Variants in GLIS1 observed in about 807,000 individuals in gnomAD.
The protein encoded by GLIS1 is zinc finger protein GLIS1.
A neutral mutation model predicts 63.8 loss-of-function variants in GLIS1; 24 were observed. The ratio of observed to expected loss-of-function variants is 0.38; its 90% CI spans 0.27 to 0.53. The LOEUF is 0.53. GLIS1 is among the 20% of genes least tolerant of loss of function. GLIS1 has a pLI of 0.85. For missense variants in GLIS1, 1,036 were observed against 1,074.1 expected, an observed-to-expected ratio of 0.96 and a Z score of 0.50; for synonymous variants, 450 against 482.5, an observed-to-expected ratio of 0.93 and a Z score of 0.88.
intron 6 of GLIS1, 27 bp downstream of exon 6, chr1:53,524,750 G>A (rs778862360): frequency 1.1e-5 from 17 of 1,550,990 alleles, no homozygotes; most frequent in Non-Finnish European, 1.5e-5. Flanking sequence ...GAGGTGGGAG[G>A]AGGCCAGATG....
Position 53,560,682 on chromosome 1 carries a change from A to G in GLIS1, c.1321-30730T>C, listed in dbSNP as rs760162702. Among the ~76,000 whole-genome samples the G allele has an allele frequency of 9.9e-5, 15 of 152,132 alleles. No homozygotes were observed. Among genetic ancestry groups the G allele is most frequent in the Non-Finnish European group, 1.3e-4 (9 of 68,002 alleles). On this transcript the variant is annotated intron_variant, in intron 4 of 10. Transcript: ENST00000628545. The surrounding 1 kb of genome is among the most constrained non-coding windows in gnomAD (Gnocchi z 4.4). ...ACTTGTTGCGGGCCGTGTGTCCCGC[A>G]ATGTTCTAGGCACTGGGGCAGCCAT...
intron 2 of GLIS1, among the ~76,000 whole-genome samples, chr1:53,674,110 T>A (rs1179637609): frequency 6.7e-6 from 1 of 148,824 alleles, no homozygotes; most frequent in Middle Eastern, 3.2e-3. Context: ...AGGCAGAGGT[T>A]GCAGTGAGCC....
At chr1:53,733,790 A>C (rs1431000965) in intron 2 of GLIS1, 6 of 482,834 alleles carry the variant, frequency 1.2e-5, no homozygotes, top group Non-Finnish European at 1.6e-5. Flanking sequence ...TGCACTGAAA[A>C]AATTTGGATC....
At chr1:53,656,678 C>T (rs1645968852) in intron 2 of GLIS1, among the ~76,000 whole-genome samples, 2 of 152,182 alleles carry the variant, frequency 1.3e-5, no homozygotes. Flanking sequence ...CCATTTGCAA[C>T]AATTAAACCT....
chr1:53,595,048 T>C, intron 3 of GLIS1, 58 bp from the exon 4 acceptor site: 1 of 1,361,772 alleles, frequency 7.3e-7, no homozygotes, highest in Non-Finnish European at 9.5e-7. Context: ...GAGGGAAGGC[T>C]CAGGTGGGGG....
chr1:53,679,299 A>G (rs1170692893), intron 2 of GLIS1, among the ~76,000 whole-genome samples: 1 of 152,180 alleles, frequency 6.6e-6, no homozygotes, highest in Non-Finnish European at 1.5e-5. Flanking sequence ...AATAAACCCC[A>G]AAACAGCCTT....
At chr1:53,733,152 T>TA (rs1244813307) in intron 2 of GLIS1, among the ~76,000 whole-genome samples, 2 of 151,870 alleles carry the variant, frequency 1.3e-5, no homozygotes, top group East Asian at 3.8e-4. Context: ...TAAGAATATA[T>TA]TTTTTTAAGT....
chr1:53,614,156 GA>G (rs1420728778), intron 2 of GLIS1, among the ~76,000 whole-genome samples: 1 of 152,184 alleles, frequency 6.6e-6, no homozygotes, highest in African/African-American at 2.4e-5. Flanking sequence ...TGATGAATGA[GA>G]AAGGAAAGTC....
intron 4 of GLIS1, among the ~76,000 whole-genome samples, chr1:53,547,553 A>AG: frequency 6.6e-6 from 1 of 152,344 alleles, no homozygotes; most frequent in South Asian, 2.1e-4. Context: ...TGACCCAGGC[A>AG]GGGCTCCCCC....
intron 8 of GLIS1, among the ~76,000 whole-genome samples, chr1:53,513,861 C>T (rs904074558): frequency 1.3e-5 from 2 of 152,214 alleles, no homozygotes; most frequent in Admixed American, 6.5e-5. Context: ...CAGGCCATGG[C>T]CAAGGCTGTA....
At position 53,574,675 on chromosome 1, in the gene GLIS1, A is replaced by G. The variant is rs1569852238; in HGVS notation, c.1320+19433T>C. 6.6e-6 allele frequency among the ~76,000 whole-genome samples: 1 copy of G among 152,178 alleles called. No homozygotes were observed. The highest frequency in any genetic ancestry group is 2.4e-5 in the African/African-American group (1 of 41,440). On this transcript the variant is annotated intron_variant, in intron 4 of 10. Transcript: ENST00000628545. This position sits in a 1 kb window ranked among gnomAD's most constrained non-coding sequence, Gnocchi z 4.2. ...TGGGTCATGATGTCTGCTGGTCCCCAATATGAGTAAAGGAAGCAGCCCCAC... is the reference window on the plus strand; with the variant it reads ...TGGGTCATGATGTCTGCTGGTCCCCGATATGAGTAAAGGAAGCAGCCCCAC...
chr1:53,597,142 A>G (rs1440809100), intron 3 of GLIS1, among the ~76,000 whole-genome samples: 1 of 145,544 alleles, frequency 6.9e-6, no homozygotes, highest in Non-Finnish European at 1.5e-5. Flanking sequence ...TTAATGCATA[A>G]AAAGTGCTTG....
chr1:53,616,423 C>T (rs1041609670), intron 2 of GLIS1, among the ~76,000 whole-genome samples: 1 of 152,364 alleles, frequency 6.6e-6, no homozygotes, highest in East Asian at 1.9e-4. Context: ...TCATGCTTGG[C>T]ATTTTTTAAC....
intron 2 of GLIS1, among the ~76,000 whole-genome samples, chr1:53,610,336 T>A (rs1355521289): frequency 2.6e-5 from 4 of 152,256 alleles, no homozygotes; most frequent in African/African-American, 9.6e-5. Context: ...TAAAAATTTT[T>A]AAAAATTGTA....
At position 53,588,120 on chromosome 1, in the gene GLIS1, G is replaced by A. The variant is rs570127208; in HGVS notation, c.1320+5988C>T. 1.4e-4 allele frequency among the ~76,000 whole-genome samples: 22 copies of A among 152,252 alleles called. No homozygotes were observed. In the East Asian group the frequency reaches 3.3e-3, roughly 23 times the overall value. On this transcript the variant is annotated intron_variant, in intron 4 of 10. Transcript: ENST00000628545. ...ATAAACTGAAAATCGCCCAACAAGC[G>A]TCTCAATAATGATCTTGTCCCACTT... is the stretch of plus-strand genomic sequence containing the variant.
At chr1:53,628,402 G>T (rs1053121216) in intron 2 of GLIS1, among the ~76,000 whole-genome samples, 2 of 152,238 alleles carry the variant, frequency 1.3e-5, no homozygotes, top group Admixed American at 1.3e-4. Flanking sequence ...TCTACCAAGG[G>T]CAGGAGAGCC....
intron 2 of GLIS1, among the ~76,000 whole-genome samples, chr1:53,680,711 C>A (rs933418406): frequency 6.6e-6 from 1 of 152,174 alleles, no homozygotes; most frequent in African/African-American, 2.4e-5. Flanking sequence ...CTACTATCTG[C>A]TGAATGAATG....
At chr1:53,543,211 A>C (rs1218415765) in intron 4 of GLIS1, among the ~76,000 whole-genome samples, 1 of 151,286 alleles carries the variant, frequency 6.6e-6, no homozygotes, top group African/African-American at 2.5e-5. Context: ...CATAAGTGAA[A>C]CAGAGAGCAC....
At chr1:53,507,025 G>A (rs953905703) in intron 10 of GLIS1, among the ~76,000 whole-genome samples, 2 of 152,142 alleles carry the variant, frequency 1.3e-5, no homozygotes, top group African/African-American at 4.8e-5. Flanking sequence ...ACAGGCACGG[G>A]GTTGACTCAG....
Sources: gnomAD v4.1 joint callset for allele counts (sites outside exome capture counted in the v4.1 genomes callset) on GRCh38, gnomAD v4.1.1 for gene constraint, Gnocchi (gnomAD v3.1) non-coding constraint, MANE v1.5 for transcripts, NCBI Gene and HGNC (gene_info 2026-07-23, HGNC 2026-07-21) for gene names.